Variants in LIN7A observed in about 807,000 individuals in gnomAD.
LIN7A encodes the protein protein lin-7 homolog A.
A neutral mutation model predicts 29.8 loss-of-function variants in LIN7A; 25 were observed. That is an observed-to-expected ratio of 0.84 (90% confidence interval 0.61 to 1.17). The LOEUF is 1.17. Ranked by LOEUF, LIN7A falls within the 50% of genes most tolerant of loss-of-function variation. LIN7A has a pLI of 0.00. For synonymous variants in LIN7A, 118 were observed against 107.5 expected (o/e 1.10, Z -0.60); for missense variants, 239 against 287.0 (o/e 0.83, Z 1.21).
intron 2 of LIN7A, among the ~76,000 whole-genome samples, chr12:80,854,377 C>T (rs1296033385): frequency 1.3e-5 from 2 of 148,710 alleles, no homozygotes; most frequent in Admixed American, 1.4e-4. Context: ...GTATTCTAGA[C>T]AAGACTTGGC....
At chr12:80,830,537 G>C (rs969412172) in intron 4 of LIN7A, among the ~76,000 whole-genome samples, 39 of 152,144 alleles carry the variant, frequency 2.6e-4, no homozygotes, top group African/African-American at 8.2e-4. Flanking sequence ...GGGGGTGCTT[G>C]CTTTATTTCT....
At chr12:80,880,266 T>C (rs1874957274) in intron 2 of LIN7A, among the ~76,000 whole-genome samples, 1 of 152,170 alleles carries the variant, frequency 6.6e-6, no homozygotes, top group Non-Finnish European at 1.5e-5. Flanking sequence ...CCTCATTTTT[T>C]TTTGACCTAA....
At chr12:80,914,619 G>A (rs560216043) in intron 1 of LIN7A, among the ~76,000 whole-genome samples, 1 of 152,262 alleles carries the variant, frequency 6.6e-6, no homozygotes, top group South Asian at 2.1e-4. Flanking sequence ...ATTGATAGCT[G>A]CCCAGATGTT....
At chr12:80,929,642 C>T (rs1389063156) in intron 1 of LIN7A, among the ~76,000 whole-genome samples, 1 of 152,160 alleles carries the variant, frequency 6.6e-6, no homozygotes, top group Non-Finnish European at 1.5e-5. Flanking sequence ...AATGTCTACT[C>T]TTAGTGATTT....
chr12:80,903,050 A>G (rs1876306437), intron 1 of LIN7A, among the ~76,000 whole-genome samples: 1 of 151,026 alleles, frequency 6.6e-6, no homozygotes, highest in Non-Finnish European at 1.5e-5. Flanking sequence ...CTAGTCAACA[A>G]ACATTGAAGA....
chr12:80,845,695 T>G (rs745516494), intron 4 of LIN7A, 35 bp downstream of exon 4: 1 of 1,560,646 alleles, frequency 6.4e-7, no homozygotes, highest in East Asian at 2.3e-5. Context: ...AGAATGTGCT[T>G]AAGGAGAAAA....
chr12:80,914,731 A>G (rs1876942413), intron 1 of LIN7A, among the ~76,000 whole-genome samples: 1 of 152,148 alleles, frequency 6.6e-6, no homozygotes, highest in Non-Finnish European at 1.5e-5. Flanking sequence ...CTGTGAGACT[A>G]TGGGCAACCT....
At chr12:80,857,240 A>T (rs951836558) in intron 2 of LIN7A, among the ~76,000 whole-genome samples, 3 of 152,148 alleles carry the variant, frequency 2.0e-5, no homozygotes, top group Non-Finnish European at 2.9e-5. Flanking sequence ...TAAAACAGAT[A>T]GTTTACTTAG....
At chr12:80,837,209 T>G (rs1415966080) in intron 4 of LIN7A, among the ~76,000 whole-genome samples, 1 of 152,192 alleles carries the variant, frequency 6.6e-6, no homozygotes, top group Non-Finnish European at 1.5e-5. Flanking sequence ...ACTCTAGATT[T>G]ATGATATTTA....
chr12:80,806,528 A>G (rs937116044), intron 5 of LIN7A, among the ~76,000 whole-genome samples: 11 of 152,212 alleles, frequency 7.2e-5, no homozygotes, highest in African/African-American at 2.4e-4. Context: ...ACCATCTCAG[A>G]TAAAAAAACA....
chr12:80,811,779 T>G, intron 4 of LIN7A, 96 bp from the exon 5 acceptor site: 1 of 1,402,462 alleles, frequency 7.1e-7, no homozygotes. Flanking sequence ...AACCCAAAAT[T>G]TAAAATTTTA....
intron 2 of LIN7A, among the ~76,000 whole-genome samples, chr12:80,863,902 GT>G (rs5799492): frequency 0.34 from 51,728 of 150,892 alleles, 10,423 homozygotes; most frequent in African/African-American, 0.57. Flanking sequence ...TTGTTTGTTT[GT>G]TTTTTTTTAA....
At chr12:80,902,403 C>T (rs186262738) in intron 1 of LIN7A, among the ~76,000 whole-genome samples, 2 of 152,010 alleles carry the variant, frequency 1.3e-5, no homozygotes, top group African/African-American at 2.4e-5. Flanking sequence ...CTGTGAAGAA[C>T]GTCATTAGTA....
chr12:80,838,536 C>T (rs1252904431), intron 4 of LIN7A, among the ~76,000 whole-genome samples: 1 of 152,158 alleles, frequency 6.6e-6, no homozygotes, highest in Non-Finnish European at 1.5e-5. Context: ...CATAAATGTA[C>T]TTCTCTTGGC....
At chr12:80,842,213 A>T in intron 4 of LIN7A, 6 of 940,488 alleles carry the variant, frequency 6.4e-6, no homozygotes, top group Non-Finnish European at 8.6e-6. Context: ...ATCACACTTT[A>T]TAACCTAACA....
At chr12:80,835,232 T>C (rs1407599615) in intron 4 of LIN7A, among the ~76,000 whole-genome samples, 1 of 152,156 alleles carries the variant, frequency 6.6e-6, no homozygotes, top group Non-Finnish European at 1.5e-5. Context: ...GGAAGTTTGG[T>C]GAAAGGCTGT....
chr12:80,897,678 G>A (rs550929338), intron 1 of LIN7A, among the ~76,000 whole-genome samples: 108 of 152,070 alleles, frequency 7.1e-4, no homozygotes, highest in African/African-American at 2.5e-3. Flanking sequence ...GGTGGTGGGC[G>A]CTTGTAATCC....
chr12:80,874,891 C>T (rs1008052176), intron 2 of LIN7A, among the ~76,000 whole-genome samples: 1 of 152,058 alleles, frequency 6.6e-6, no homozygotes, highest in Admixed American at 6.6e-5. Flanking sequence ...AGCTGAGGTA[C>T]TCGGGAGGCT....
chr12:80,920,270 A>G (rs1364646975), intron 1 of LIN7A, among the ~76,000 whole-genome samples: 1 of 152,180 alleles, frequency 6.6e-6, no homozygotes, highest in African/African-American at 2.4e-5. Flanking sequence ...GTCACAAAAT[A>G]TTCTTCTTTC....
Sources: allele counts gnomAD v4.1 joint callset (sites outside exome capture counted in the v4.1 genomes callset), GRCh38; gene constraint gnomAD v4.1.1; transcripts MANE v1.5; gene names NCBI Gene and HGNC (gene_info 2026-07-23, HGNC 2026-07-21).